Variants in ENTREP2 observed in about 807,000 individuals in gnomAD.
ENTREP2 encodes the protein protein ENTREP2.
the ENTREP2 span, among the ~76,000 whole-genome samples, chr15:29,560,543 T>C: frequency 2.6e-5 from 4 of 152,050 alleles, no homozygotes; most frequent in Non-Finnish European, 4.4e-5. Flanking sequence ...GGGTGTCCCT[T>C]GCAGGGGCAC....
the ENTREP2 span, among the ~76,000 whole-genome samples, chr15:29,197,630 G>C: frequency 2.0e-5 from 3 of 152,040 alleles, no homozygotes; most frequent in African/African-American, 7.2e-5. Flanking sequence ...GCTCGGCGTG[G>C]TGCTATGCAC....
the ENTREP2 span, among the ~76,000 whole-genome samples, chr15:29,522,623 G>A: frequency 0.012 from 1,780 of 152,248 alleles, 29 homozygotes; most frequent in African/African-American, 0.041. Context: ...CCACCTACCC[G>A]TCTCGGCAGG....
At chr15:29,275,474 A>G in the ENTREP2 span, among the ~76,000 whole-genome samples, 1 of 152,344 alleles carries the variant, frequency 6.6e-6, no homozygotes, top group African/African-American at 2.4e-5. Flanking sequence ...TGAAGTCACA[A>G]AGACAAGTGG....
chr15:29,458,992 G>C, the ENTREP2 span, among the ~76,000 whole-genome samples: 1 of 152,180 alleles, frequency 6.6e-6, no homozygotes, highest in Non-Finnish European at 1.5e-5. Flanking sequence ...CCCAGGCGCA[G>C]AGCAAGAGGA....
chr15:29,192,859 T>C, the ENTREP2 span, among the ~76,000 whole-genome samples: 1 of 152,154 alleles, frequency 6.6e-6, no homozygotes, highest in African/African-American at 2.4e-5. Context: ...AAGAAGATAA[T>C]GTATAGCAAC....
chr15:29,596,439 G>T, the ENTREP2 span, among the ~76,000 whole-genome samples: 1 of 152,064 alleles, frequency 6.6e-6, no homozygotes, highest in Non-Finnish European at 1.5e-5. Flanking sequence ...CGTGTACGGT[G>T]GTTTCAGAAT....
At chr15:29,361,424 T>C in the ENTREP2 span, among the ~76,000 whole-genome samples, 1 of 152,246 alleles carries the variant, frequency 6.6e-6, no homozygotes, top group Non-Finnish European at 1.5e-5. Flanking sequence ...CTTATCTTTC[T>C]AAATAAAAAT....
chr15:29,133,991 C>A, the ENTREP2 span, among the ~76,000 whole-genome samples: 1 of 152,258 alleles, frequency 6.6e-6, no homozygotes, highest in East Asian at 1.9e-4. Flanking sequence ...TCCAGCCCCA[C>A]TCCCTGCACC....
chr15:29,311,087 T>G, the ENTREP2 span, among the ~76,000 whole-genome samples: 1 of 151,636 alleles, frequency 6.6e-6, no homozygotes, highest in Non-Finnish European at 1.5e-5. Context: ...TTTTTTTTTT[T>G]AACTCTAGAA....
chr15:29,649,641 A>G, the ENTREP2 span, among the ~76,000 whole-genome samples: 1 of 151,082 alleles, frequency 6.6e-6, no homozygotes, highest in Non-Finnish European at 1.5e-5. Context: ...AATCGACTGA[A>G]CCTGGGAGAT....
At chr15:29,536,216 A>G in the ENTREP2 span, among the ~76,000 whole-genome samples, 1 of 152,174 alleles carries the variant, frequency 6.6e-6, no homozygotes, top group Non-Finnish European at 1.5e-5. Flanking sequence ...CCTTGCCACT[A>G]AGAAGAGACA....
At chr15:29,184,552 T>G in the ENTREP2 span, among the ~76,000 whole-genome samples, 1 of 152,280 alleles carries the variant, frequency 6.6e-6, no homozygotes, top group Non-Finnish European at 1.5e-5. Context: ...CCCCTGCACA[T>G]CCTGGGGCCT....
chr15:29,171,879 A>T, the ENTREP2 span, among the ~76,000 whole-genome samples: 1 of 152,240 alleles, frequency 6.6e-6, no homozygotes, highest in South Asian at 2.1e-4. Flanking sequence ...GAGTTAAAAC[A>T]CTACTGTCAT....
At chr15:29,232,028 TA>T in the ENTREP2 span, among the ~76,000 whole-genome samples, 1 of 151,964 alleles carries the variant, frequency 6.6e-6, no homozygotes, top group African/African-American at 2.4e-5. Context: ...TAGCTGGGAT[TA>T]CAGGCGTGGG....
chr15:29,368,335 A>T, the ENTREP2 span, among the ~76,000 whole-genome samples: 863 of 134,904 alleles, frequency 6.4e-3, 12 homozygotes, highest in African/African-American at 0.022. Flanking sequence ...CTCAAAAAAA[A>T]AAATATATAT....
At chr15:29,673,327 A>G in the ENTREP2 span, among the ~76,000 whole-genome samples, 1 of 152,158 alleles carries the variant, frequency 6.6e-6, no homozygotes, top group African/African-American at 2.4e-5. Flanking sequence ...GTGACTAAGA[A>G]TGCCTAACCT....
At chr15:29,642,795 G>A in the ENTREP2 span, among the ~76,000 whole-genome samples, 1 of 151,946 alleles carries the variant, frequency 6.6e-6, no homozygotes, top group Non-Finnish European at 1.5e-5. Context: ...TGTATTTTTA[G>A]TAGAGATGGG....
chr15:29,624,788 G>A, the ENTREP2 span, among the ~76,000 whole-genome samples: 1 of 152,024 alleles, frequency 6.6e-6, no homozygotes, highest in African/African-American at 2.4e-5. Context: ...ATTGCAACAT[G>A]AGAGCCAAGG....
the ENTREP2 span, among the ~76,000 whole-genome samples, chr15:29,627,132 A>C: frequency 4.8e-4 from 73 of 152,282 alleles, 1 homozygote; most frequent in African/African-American, 1.6e-3. Context: ...CTTTAGCTGC[A>C]TGTCACAAAT....
Sources: allele counts gnomAD v4.1 joint callset (sites outside exome capture counted in the v4.1 genomes callset), GRCh38; gene constraint gnomAD v4.1.1; transcripts MANE v1.5; gene names NCBI Gene and HGNC (gene_info 2026-07-23, HGNC 2026-07-21).